CDH12: variants seen among roughly 807,000 people sequenced by gnomAD.
CDH12 encodes cadherin-12.
CDH12 carries 41 observed loss-of-function variants against 74.1 expected under a neutral mutation model. The observed-to-expected ratio is 0.55, with a 90% CI of 0.43 to 0.72. CDH12 has a LOEUF of 0.72. Among genes scored for constraint, CDH12 ranks in the 30% least tolerant of loss-of-function variants. CDH12 has a pLI of 0.00. For missense variants in CDH12, 945 were observed against 977.2 expected, an observed-to-expected ratio of 0.97 and a Z score of 0.44; for synonymous variants, 399 against 355.0, an observed-to-expected ratio of 1.12 and a Z score of -1.39.
intron 1 of CDH12, among the ~76,000 whole-genome samples, chr5:22,518,307 G>A (rs1247187519): frequency 6.6e-6 from 1 of 152,180 alleles, no homozygotes; most frequent in Non-Finnish European, 1.5e-5. Context: ...TTCTCCACAA[G>A]GAAAATGTAG....
At chr5:21,865,299 C>G (rs1484218285) in intron 6 of CDH12, among the ~76,000 whole-genome samples, 1 of 152,030 alleles carries the variant, frequency 6.6e-6, no homozygotes, top group Non-Finnish European at 1.5e-5. Flanking sequence ...AGTATTTTAG[C>G]CTAGCCATCT....
chr5:22,226,030 A>G (rs999346522), intron 3 of CDH12, among the ~76,000 whole-genome samples: 1 of 152,082 alleles, frequency 6.6e-6, no homozygotes, highest in Non-Finnish European at 1.5e-5. Context: ...CAGTTTGGAA[A>G]AAAGAAGCTA....
intron 5 of CDH12, among the ~76,000 whole-genome samples, chr5:22,065,779 T>C (rs565086118): frequency 3.9e-4 from 60 of 152,168 alleles, no homozygotes; most frequent in African/African-American, 1.4e-3. Context: ...GGATCCTGGG[T>C]GACAGGGGCC....
intron 3 of CDH12, among the ~76,000 whole-genome samples, chr5:22,266,339 C>CT (rs1221269236): frequency 6.6e-6 from 1 of 152,030 alleles, no homozygotes; most frequent in Non-Finnish European, 1.5e-5. Context: ...TCCCAAAGTA[C>CT]TGGGATTACA....
At chr5:22,069,376 G>A (rs1221858987) in intron 5 of CDH12, among the ~76,000 whole-genome samples, 2 of 152,182 alleles carry the variant, frequency 1.3e-5, no homozygotes, top group East Asian at 1.9e-4. Flanking sequence ...GACTAAAAAT[G>A]CTCTGAATCA....
chr5:22,634,976 A>ATT (rs70959747), intron 1 of CDH12, among the ~76,000 whole-genome samples: 1,998 of 146,432 alleles, frequency 0.014, 21 homozygotes, highest in Non-Finnish European at 0.02. Context: ...TCACAGTTGG[A>ATT]TTTTTTTTTT....
chr5:22,639,050 C>CAAAAAAAAAAAAAAAA (rs545549665), intron 1 of CDH12: 3 of 64,260 alleles, frequency 4.7e-5, no homozygotes, highest in African/African-American at 1.6e-4. Context: ...GAGTCCGCCT[C>CAAAAAAAAAAAAAAAA]AAAAAAAAAA....
chr5:22,351,185 G>T (rs2150464493), intron 3 of CDH12, among the ~76,000 whole-genome samples: 1 of 152,218 alleles, frequency 6.6e-6, no homozygotes, highest in East Asian at 1.9e-4. Flanking sequence ...TATACTGAGA[G>T]TGGATTGAAT....
intron 6 of CDH12, among the ~76,000 whole-genome samples, chr5:21,880,630 T>C (rs1212462469): frequency 1.5e-4 from 13 of 89,226 alleles, no homozygotes; most frequent in African/African-American, 5.0e-4. Flanking sequence ...TTTCTTTCTT[T>C]CTTTCTTTCT....
chr5:22,172,316 T>A (rs775770160), intron 4 of CDH12: 2 of 151,856 alleles, frequency 1.3e-5, no homozygotes, highest in Middle Eastern at 3.2e-3. Flanking sequence ...TCCCTCTTTA[T>A]TCACTATACT....
chr5:22,369,250 C>T lies in CDH12; in HGVS notation c.-333+36007G>A, dbSNP rs72744836. Reference sequence around the variant, plus strand: ...GCAAAACAATGTATTTTGCTTCATACGCTAAAAGCTGAAGACAAGGAAACA... The same window carrying T: ...GCAAAACAATGTATTTTGCTTCATATGCTAAAAGCTGAAGACAAGGAAACA... On this transcript the variant is annotated intron_variant, in intron 3 of 14. Transcript: ENST00000382254. 3.8e-3 allele frequency among the ~76,000 whole-genome samples: 576 copies of T among 152,124 alleles called. 2 individuals are homozygous for T. The highest frequency in any genetic ancestry group is 4.8e-3 in the Non-Finnish European group (328 of 67,986).
intron 6 of CDH12, among the ~76,000 whole-genome samples, chr5:21,908,100 G>T (rs1443466754): frequency 6.6e-6 from 1 of 152,180 alleles, no homozygotes; most frequent in Non-Finnish European, 1.5e-5. Context: ...AGTGATAAAA[G>T]TCTGCAAAGC....
chr5:22,751,961 T>A (rs1361618941), intron 1 of CDH12, among the ~76,000 whole-genome samples: 1 of 151,962 alleles, frequency 6.6e-6, no homozygotes, highest in Non-Finnish European at 1.5e-5. Flanking sequence ...ATACTCTATT[T>A]TTTTTGAAGA....
At chr5:22,185,532 A>G (rs1484964360) in intron 4 of CDH12, among the ~76,000 whole-genome samples, 4 of 152,242 alleles carry the variant, frequency 2.6e-5, no homozygotes, top group African/African-American at 9.6e-5. Context: ...ATTGTGTACC[A>G]TAGAATCAAA....
rs142660882 is a variant in CDH12, at chr5:22,206,904, T to A, written c.-187+5594A>T. On this transcript the variant is annotated intron_variant, in intron 4 of 14. Transcript: ENST00000382254. ...AGAGACAGACATTTAGATAGTTATC[T>A]TCAAGAGATTTAAAAATATTCTACC... is the stretch of plus-strand genomic sequence containing the variant. Among the ~76,000 whole-genome samples, 658 of 151,312 alleles carry A rather than the reference T, an allele frequency of 4.3e-3. 6 individuals are homozygous for A. The highest frequency in any genetic ancestry group is 0.015 in the African/African-American group (627 of 41,218).
intron 8 of CDH12, among the ~76,000 whole-genome samples, chr5:21,821,652 A>C (rs1178807630): frequency 1.3e-5 from 2 of 151,974 alleles, no homozygotes; most frequent in Non-Finnish European, 2.9e-5. Flanking sequence ...CTTAAGAACA[A>C]ATTATTTCAA....
chr5:22,389,588 G>A (rs546061299), intron 3 of CDH12, among the ~76,000 whole-genome samples: 1 of 151,850 alleles, frequency 6.6e-6, no homozygotes, highest in Admixed American at 6.6e-5. Flanking sequence ...GTGCTCTGAT[G>A]AGCAACTAAA....
At chr5:22,405,554 T>TA (rs913429107) in intron 2 of CDH12, among the ~76,000 whole-genome samples, 2 of 151,848 alleles carry the variant, frequency 1.3e-5, no homozygotes, top group Non-Finnish European at 1.5e-5. Context: ...CTGGAAAAAA[T>TA]AAAAAAGCCC....
chr5:21,828,675 A>T (rs772474685), intron 8 of CDH12, among the ~76,000 whole-genome samples: 19 of 151,930 alleles, frequency 1.3e-4, no homozygotes, highest in Non-Finnish European at 8.8e-5. Context: ...AATGGTTTAC[A>T]TTTTCTGTCT....
Sources: allele counts gnomAD v4.1 joint callset (sites outside exome capture counted in the v4.1 genomes callset), GRCh38; gene constraint gnomAD v4.1.1; transcripts MANE v1.5; gene names NCBI Gene and HGNC (gene_info 2026-07-23, HGNC 2026-07-21).